Variants in MYO3B observed in about 807,000 individuals in gnomAD.
MYO3B encodes myosin-IIIb.
A neutral mutation model predicts 174.6 loss-of-function variants in MYO3B; 156 were observed. That is an observed-to-expected ratio of 0.89 (90% confidence interval 0.78 to 1.02). The LOEUF (loss-of-function observed/expected upper bound fraction) is 1.02, where lower values mean the gene tolerates loss of function less well. Ranked by LOEUF, MYO3B falls within the 50% of genes least tolerant of loss-of-function variation. MYO3B has a pLI of 0.00. For missense variants in MYO3B, 1,632 were observed against 1,639.4 expected (o/e 1.00, Z 0.08); for synonymous variants, 563 against 569.1 (o/e 0.99, Z 0.15).
intron 22 of MYO3B, among the ~76,000 whole-genome samples, chr2:170,435,565 G>A (rs2094747258): frequency 6.6e-6 from 1 of 152,230 alleles, no homozygotes. Flanking sequence ...TAAGCTGAAT[G>A]TGGGCTACGT....
At chr2:170,520,209 G>A (rs1452035858) in intron 30 of MYO3B, among the ~76,000 whole-genome samples, 1 of 152,030 alleles carries the variant, frequency 6.6e-6, no homozygotes, top group African/African-American at 2.4e-5. Context: ...AGAAGCCTGT[G>A]ATGCTGCTAA....
rs112691384 is a variant in MYO3B, at chr2:170,285,352, A to G, written c.749+49216A>G. On this transcript the variant is annotated intron_variant, in intron 7 of 34. Coordinates refer to ENST00000408978, the MANE Select transcript of MYO3B (RefSeq NM_138995.5). ...ATTTTATATTTTATGTGTTGCAAAT[A>G]TCTTCTGTCAGTCTGTGACCTTTTT... 4.9e-3 allele frequency among the ~76,000 whole-genome samples: 714 copies of G among 145,818 alleles called. 5 individuals carry two copies. Among genetic ancestry groups the G allele is most frequent in the African/African-American group, 0.017 (679 of 39,660 alleles).
At chr2:170,617,980 G>A (rs1303595120) in intron 32 of MYO3B, among the ~76,000 whole-genome samples, 2 of 152,160 alleles carry the variant, frequency 1.3e-5, no homozygotes, top group Non-Finnish European at 2.9e-5. Context: ...TTACTGTTTT[G>A]ATCTGCCTTA....
chr2:170,553,181 G>A (rs912543844), intron 32 of MYO3B, among the ~76,000 whole-genome samples: 57 of 152,280 alleles, frequency 3.7e-4, no homozygotes, highest in African/African-American at 1.3e-3. Flanking sequence ...CTGGAGTACT[G>A]CCTAGTGGAG....
intron 6 of MYO3B, among the ~76,000 whole-genome samples, chr2:170,230,339 T>TTATTTTA (rs2093001446): frequency 8.0e-6 from 1 of 124,642 alleles, no homozygotes; most frequent in East Asian, 2.2e-4. Flanking sequence ...CTGGCTAATT[T>TTATTTTA]TTTTTTTTTT....
rs74379482 is a variant in MYO3B, at chr2:170,537,784, G to T, written c.3576-5122G>T. 7.0e-4 allele frequency among the ~76,000 whole-genome samples: 106 copies of T among 152,188 alleles called. 1 individual carries two copies. The East Asian group carries it at 0.019, about 28-fold the overall frequency. On this transcript the variant is annotated intron_variant, in intron 30 of 34. Coordinates refer to ENST00000408978, the MANE Select transcript of MYO3B (RefSeq NM_138995.5). ...GTTTTTGTTCAAAGTTATCAAAGAG[G>T]TGGAAACAAATTACTTGGCTATGCT...
chr2:170,387,247 G>A lies in MYO3B; in HGVS notation c.1516G>A (p.Val506Met), dbSNP rs2094383078. 1.2e-6 allele frequency: 2 copies of A among 1,614,188 alleles called. No individual in the cohort carries two copies. The highest frequency in any genetic ancestry group is 1.7e-6 in the Non-Finnish European group (2 of 1,180,000). The change falls in exon 14 of 35, where the codon GTG becomes ATG. Residue 506 changes from valine (V) to methionine (M), a missense_variant. Transcript: ENST00000408978. ...LEMMFTPTGV[V>M]MGARISEYLL... ...AATGATGTTTACACCAACTGGAGTT[G>A]TGATGGGGGCAAGAATCTCTGAATA...
At chr2:170,392,009 G>T (rs1297913279) in intron 15 of MYO3B, among the ~76,000 whole-genome samples, 1 of 151,102 alleles carries the variant, frequency 6.6e-6, no homozygotes, top group Non-Finnish European at 1.5e-5. Context: ...TTTTTAATTA[G>T]CTACTCGGGA....
chr2:170,306,705 G>T (rs749122574), intron 7 of MYO3B, among the ~76,000 whole-genome samples: 5 of 152,130 alleles, frequency 3.3e-5, no homozygotes, highest in Non-Finnish European at 7.3e-5. Flanking sequence ...AACTGCTGTC[G>T]TTCTGGCCCT....
At chr2:170,522,436 C>A (rs1688729589) in intron 30 of MYO3B, among the ~76,000 whole-genome samples, 1 of 152,208 alleles carries the variant, frequency 6.6e-6, no homozygotes, top group Non-Finnish European at 1.5e-5. Flanking sequence ...CAGTCATTTT[C>A]CAAATACTCT....
intron 22 of MYO3B, among the ~76,000 whole-genome samples, chr2:170,422,042 A>G (rs1160823057): frequency 1.3e-5 from 2 of 152,224 alleles, no homozygotes; most frequent in Non-Finnish European, 2.9e-5. Flanking sequence ...GGTACTTTGC[A>G]TCTGGCAGAT....
Position 170,466,648 on chromosome 2 carries a change from A to G in MYO3B, c.2951A>G (p.Glu984Gly). Residue 984 changes from glutamate (E) to glycine (G), a missense_variant, in exon 25 of 35, where the codon GAG becomes GGG. Glu to Gly is a moderately conservative substitution (Grantham distance 98). Transcript: ENST00000408978. ...CAGCTCCGCTCCACAGGGATTCTGG[A>G]GACAGTCAGCATCCGCCGCCAGGGC... The part of the protein sequence containing the change: ...LAQLRSTGIL[E>G]TVSIRRQGYS... 6.2e-7 allele frequency: 1 copy of G among 1,614,230 alleles called. No homozygotes were observed. Among genetic ancestry groups the G allele is most frequent in the Non-Finnish European group, 8.5e-7 (1 of 1,180,046 alleles).
At chr2:170,499,913 T>TCCTTCTCCCCTCCCTCCCTC in intron 27 of MYO3B, 105 bp downstream of exon 27, 1 of 885,638 alleles carries the variant, frequency 1.1e-6, no homozygotes, top group Non-Finnish European at 1.7e-6. Context: ...CTCCCTCCCT[T>TCCTTCTCCCCTCCCTCCCTC]CCTTCTCCCC....
chr2:170,387,960 G>A (rs34654153), intron 14 of MYO3B, among the ~76,000 whole-genome samples: 5 of 151,872 alleles, frequency 3.3e-5, no homozygotes, highest in Non-Finnish European at 5.9e-5. Context: ...CTCTTCCTAT[G>A]ATAATAATAT....
At chr2:170,465,225 G>A (rs1684547758) in intron 24 of MYO3B, among the ~76,000 whole-genome samples, 2 of 152,076 alleles carry the variant, frequency 1.3e-5, no homozygotes, top group East Asian at 1.9e-4. Flanking sequence ...GGTTCTGCAG[G>A]CTCCACAAGC....
chr2:170,413,007 A>C (rs2094555714), intron 22 of MYO3B, among the ~76,000 whole-genome samples: 1 of 152,222 alleles, frequency 6.6e-6, no homozygotes, highest in African/African-American at 2.4e-5. Context: ...TTATTTCTAG[A>C]AGTAACACAA....
intron 32 of MYO3B, among the ~76,000 whole-genome samples, chr2:170,552,159 A>G (rs1278311292): frequency 6.6e-6 from 1 of 152,246 alleles, no homozygotes; most frequent in Non-Finnish European, 1.5e-5. Context: ...ATTGCTATAA[A>G]GGTATTACCA....
At chr2:170,273,914 C>A (rs1424465561) in intron 7 of MYO3B, among the ~76,000 whole-genome samples, 1 of 152,118 alleles carries the variant, frequency 6.6e-6, no homozygotes, top group South Asian at 2.1e-4. Context: ...GGGGGGGCAC[C>A]TGGGGAAGCC....
At chr2:170,358,986 C>T (rs1400817761) in intron 8 of MYO3B, among the ~76,000 whole-genome samples, 5 of 151,914 alleles carry the variant, frequency 3.3e-5, no homozygotes, top group African/African-American at 7.3e-5. Context: ...AATAAATGAG[C>T]GAGAGTAGTC....
Sources: gnomAD v4.1 joint callset for allele counts (sites outside exome capture counted in the v4.1 genomes callset) on GRCh38, gnomAD v4.1.1 for gene constraint, MANE v1.5 for transcripts, NCBI Gene and HGNC (gene_info 2026-07-23, HGNC 2026-07-21) for gene names.